ADGRB3: variants seen among roughly 807,000 people sequenced by gnomAD.
ADGRB3 encodes the protein brain-specific angiogenesis inhibitor 3.
A neutral mutation model predicts 193.4 loss-of-function variants in ADGRB3; 37 were observed. The ratio of observed to expected loss-of-function variants is 0.19; its 90% CI spans 0.15 to 0.25. The LOEUF (loss-of-function observed/expected upper bound fraction) is 0.25, where lower values mean the gene tolerates loss of function less well. Among genes scored for constraint, ADGRB3 ranks in the 10% least tolerant of loss-of-function variants. The pLI is 1.00. For missense variants in ADGRB3, 1,637 were observed against 1,852.9 expected, an observed-to-expected ratio of 0.88 and a Z score of 2.14; for synonymous variants, 690 against 644.2, an observed-to-expected ratio of 1.07 and a Z score of -1.08.
intron 20 of ADGRB3, among the ~76,000 whole-genome samples, chr6:69,314,260 A>C (rs1160830643): frequency 6.6e-6 from 1 of 151,690 alleles, no homozygotes; most frequent in Non-Finnish European, 1.5e-5. Context: ...TTCTCTGCTG[A>C]CATATATCTA....
chr6:68,883,421 G>A (rs142339716), intron 3 of ADGRB3, among the ~76,000 whole-genome samples: 6 of 152,300 alleles, frequency 3.9e-5, no homozygotes, highest in Non-Finnish European at 8.8e-5. Flanking sequence ...ATCAGGTTGC[G>A]TCTCCTTCCA....
intron 17 of ADGRB3, among the ~76,000 whole-genome samples, chr6:69,201,464 TCTCC>T (rs1046646505): frequency 6.6e-6 from 1 of 152,052 alleles, no homozygotes; most frequent in Non-Finnish European, 1.5e-5. Context: ...TCTTATTTTC[TCTCC>T]CTCCTTCTAA....
At chr6:69,120,388 G>A (rs1773649943) in intron 17 of ADGRB3, among the ~76,000 whole-genome samples, 1 of 152,184 alleles carries the variant, frequency 6.6e-6, no homozygotes, top group Non-Finnish European at 1.5e-5. Flanking sequence ...GGTGATTCTG[G>A]TACACACTCA....
At chr6:69,108,835 G>A (rs1455740282) in intron 17 of ADGRB3, among the ~76,000 whole-genome samples, 1 of 152,162 alleles carries the variant, frequency 6.6e-6, no homozygotes, top group Non-Finnish European at 1.5e-5. Flanking sequence ...CATGCAATGG[G>A]ATGTGAAATG....
intron 16 of ADGRB3, among the ~76,000 whole-genome samples, chr6:69,074,350 G>A (rs183485522): frequency 1.3e-5 from 2 of 152,132 alleles, no homozygotes; most frequent in African/African-American, 2.4e-5. Context: ...CTATCAGACA[G>A]CATTTACAAA....
At chr6:68,859,215 C>T (rs1015503879) in intron 3 of ADGRB3, among the ~76,000 whole-genome samples, 27 of 152,188 alleles carry the variant, frequency 1.8e-4, no homozygotes, top group Admixed American at 1.7e-3. Flanking sequence ...CAACAAATTC[C>T]CCATCTCCAT....
chr6:68,787,104 G>T (rs999556383), intron 3 of ADGRB3, among the ~76,000 whole-genome samples: 1 of 152,146 alleles, frequency 6.6e-6, no homozygotes, highest in African/African-American at 2.4e-5. Flanking sequence ...TGCAAACAGG[G>T]ACAATTTGAC....
intron 17 of ADGRB3, among the ~76,000 whole-genome samples, chr6:69,079,106 T>A (rs1772316041): frequency 6.6e-6 from 1 of 152,094 alleles, no homozygotes; most frequent in Non-Finnish European, 1.5e-5. Flanking sequence ...AAACAATTAA[T>A]TTTATTTCCA....
At chr6:68,917,772 A>G (rs1418336667) in intron 3 of ADGRB3, among the ~76,000 whole-genome samples, 1 of 152,136 alleles carries the variant, frequency 6.6e-6, no homozygotes, top group Admixed American at 6.5e-5. Context: ...CACACATTTT[A>G]CTTTATCAAT....
At chr6:68,762,853 C>T (rs900417195) in intron 3 of ADGRB3, among the ~76,000 whole-genome samples, 13 of 152,036 alleles carry the variant, frequency 8.6e-5, no homozygotes, top group African/African-American at 2.7e-4. Flanking sequence ...TAATAGCACA[C>T]GTAACCATCT....
At chr6:69,378,291 C>G (rs1769872812) in intron 30 of ADGRB3, among the ~76,000 whole-genome samples, 1 of 152,016 alleles carries the variant, frequency 6.6e-6, no homozygotes, top group African/African-American at 2.4e-5. Flanking sequence ...GTCTCATTTT[C>G]CATTTTAAAA....
chr6:69,233,268 C>G (rs749576303), intron 17 of ADGRB3, 22 bp from the exon 18 acceptor site: 1 of 1,610,076 alleles, frequency 6.2e-7, no homozygotes, highest in Admixed American at 1.7e-5. Flanking sequence ...CCGATTTCCT[C>G]CCCCCTCACT....
chr6:68,962,657 T>A (rs572558934), intron 8 of ADGRB3, among the ~76,000 whole-genome samples: 1 of 152,324 alleles, frequency 6.6e-6, no homozygotes, highest in East Asian at 1.9e-4. Context: ...TTTTCATCCC[T>A]TATTGTTTTT....
At chr6:69,209,764 T>C (rs565684666) in intron 17 of ADGRB3, among the ~76,000 whole-genome samples, 1 of 152,320 alleles carries the variant, frequency 6.6e-6, no homozygotes, top group East Asian at 1.9e-4. Flanking sequence ...AGGTACCAGA[T>C]GTTCTTTGGT....
intron 20 of ADGRB3, among the ~76,000 whole-genome samples, chr6:69,270,199 A>ACTAGAGCT (rs1163339559): frequency 2.0e-5 from 3 of 150,554 alleles, no homozygotes; most frequent in African/African-American, 7.4e-5. Flanking sequence ...GCTTTCCATG[A>ACTAGAGCT]CTAGAGCTTT....
intron 3 of ADGRB3, among the ~76,000 whole-genome samples, chr6:68,811,196 A>G (rs1007658580): frequency 4.6e-5 from 7 of 152,174 alleles, no homozygotes; most frequent in African/African-American, 1.7e-4. Flanking sequence ...TTGACTTAAT[A>G]TCTATTTCTA....
At chr6:69,383,010 C>T (rs1769985016) in intron 31 of ADGRB3, 75 bp downstream of exon 31, 28 of 974,246 alleles carry the variant, frequency 2.9e-5, no homozygotes, top group Non-Finnish European at 1.7e-5. Flanking sequence ...CCAGGACCTC[C>T]TAATGGTGGG....
chr6:69,090,180 C>T (rs1485171648), intron 17 of ADGRB3, among the ~76,000 whole-genome samples: 1 of 152,078 alleles, frequency 6.6e-6, no homozygotes, highest in East Asian at 1.9e-4. Flanking sequence ...GAGTGTGTAA[C>T]CTTAATATTA....
rs758753009 is a variant in ADGRB3 at position 68,779,228 on chromosome 6, T to TTGTGTGTG, written c.757+139797_757+139798insGTGTGTGT. 3.0e-3 allele frequency among the ~76,000 whole-genome samples: 283 copies of TTGTGTGTG among 93,380 alleles called. 1 individual carries two copies. The highest frequency in any genetic ancestry group is 0.01 in the African/African-American group (268 of 26,040). 61.3% of individuals were successfully genotyped at this position (93,380 alleles called of 152,430 possible). A position where few individuals can be genotyped will look rare whatever the true frequency, so the allele number is the denominator to read the frequency against. ...ATTTTGTATTGTATATATGTATATA[T>TTGTGTGTG]TATGTGTGTGTGTGTGTGTGTGTGT... On this transcript the variant is annotated intron_variant, in intron 3 of 31. Transcript: ENST00000370598.
Sources: gnomAD v4.1 joint callset for allele counts (sites outside exome capture counted in the v4.1 genomes callset) on GRCh38, gnomAD v4.1.1 for gene constraint, MANE v1.5 for transcripts, NCBI Gene and HGNC (gene_info 2026-07-23, HGNC 2026-07-21) for gene names.